Variants in MYO1A observed in about 807,000 individuals in gnomAD.
MYO1A encodes the protein myosin IA, also known as unconventional myosin-Ia.
Under a neutral mutation model 138.5 loss-of-function variants are expected in MYO1A, and 127 were observed. The ratio of observed to expected loss-of-function variants is 0.92; its 90% CI spans 0.79 to 1.06. The LOEUF (loss-of-function observed/expected upper bound fraction) is 1.06. Among genes scored for constraint, MYO1A ranks in the 50% least tolerant of loss-of-function variants. The pLI is 0.00. For synonymous variants in MYO1A, 477 were observed against 497.5 expected (o/e 0.96, Z 0.55); for missense variants, 1,211 against 1,288.8 (o/e 0.94, Z 0.92).
intron 14 of MYO1A, 182 bp from the exon 15 acceptor site, chr12:57,039,456 G>T: frequency 1.6e-6 from 1 of 643,184 alleles, no homozygotes; most frequent in Non-Finnish European, 2.9e-6. Flanking sequence ...GAATTTGTGG[G>T]GTGGGTAGAC....
chr12:57,047,105 A>G lies in MYO1A; in HGVS notation c.433T>C (p.Phe145Leu), dbSNP rs569323947. The part of the protein sequence containing the change: ...LLQSNPVLEA[F>L]GNAKTIRNNN... ...TTGCGAATGGTCTTGGCATTGCCAAAAGCTACAGAGATGAGGAGGGGAGAA... is the reference window on the plus strand; with the variant it reads ...TTGCGAATGGTCTTGGCATTGCCAAGAGCTACAGAGATGAGGAGGGGAGAA... The change falls in exon 6 of 28, where the codon TTT (phenylalanine) becomes CTT (leucine). Residue 145 changes from phenylalanine (F) to leucine (L), a missense_variant and splice_region_variant. Physicochemically the swap from Phe to Leu is conservative, Grantham distance 22. Coordinates refer to ENST00000300119, the MANE Select transcript of MYO1A (RefSeq NM_005379.4). 21 of 1,614,160 alleles carry G rather than the reference A, an allele frequency of 1.3e-5. No homozygotes were observed. In the South Asian group the frequency reaches 2.3e-4, roughly 18 times the overall value.
chr12:57,043,427 A>G lies in MYO1A; in HGVS notation c.893-69T>C, dbSNP rs2030953717. Reference sequence around the variant, plus strand: ...CTCTCAGGGGAGGGAGTGCAATCTGATAAGTGAAACTGCCTGAGACACTGG... The same window carrying G: ...CTCTCAGGGGAGGGAGTGCAATCTGGTAAGTGAAACTGCCTGAGACACTGG... On this transcript the variant is annotated intron_variant, in intron 10 of 27. Transcript: ENST00000300119. 5 of 1,463,666 alleles carry G rather than the reference A, an allele frequency of 3.4e-6. No homozygotes were observed. The African/African-American group carries it at 4.2e-5, about 12-fold the overall frequency. 90.7% of individuals were successfully genotyped at this position (1,463,666 alleles called of 1,614,324 possible). A position where few individuals can be genotyped will look rare whatever the true frequency, so the allele number is the denominator to read the frequency against.
Position 57,037,653 on chromosome 12 carries a change from A to C in MYO1A, c.1962-12T>G, listed in dbSNP as rs770123602. 61 of 1,612,744 alleles carry C rather than the reference A, an allele frequency of 3.8e-5. No homozygotes were observed. Among genetic ancestry groups the C allele is most frequent in the Non-Finnish European group, 5.0e-5 (59 of 1,179,002 alleles). ...TCTCAACACCTTCCCTATGGAAGCA[A>C]ATGACAGAAAGCTGCAGAGGGGTAT... On this transcript the variant is annotated splice_polypyrimidine_tract_variant and intron_variant, in intron 18 of 27. Transcript: ENST00000300119.
chr12:57,046,324 C>A (rs999800389), intron 8 of MYO1A, among the ~76,000 whole-genome samples: 3 of 152,048 alleles, frequency 2.0e-5, no homozygotes, highest in African/African-American at 4.8e-5. Context: ...AAGGCATATC[C>A]CTGGCAATAA....
intron 5 of MYO1A, 27 bp downstream of exon 5, chr12:57,047,276 G>A (rs2031143254): frequency 6.2e-7 from 1 of 1,600,398 alleles, no homozygotes; most frequent in African/African-American, 1.3e-5. Context: ...GATGGAGGGT[G>A]GAGAGGGCAG....
In MYO1A at chr12:57,041,222, T is replaced by G; in HGVS notation, c.1231A>C (p.Met411Leu). 1 of 1,613,856 alleles carries G rather than the reference T, an allele frequency of 6.2e-7. No individual in the cohort carries two copies. Among genetic ancestry groups the G allele is most frequent in the South Asian group, 1.1e-5 (1 of 91,062 alleles). ...TCCTCTTGCTCTTCTTTCAGGGTCA[T>G]CTCTATGAACACCTGCTGCAGCTTC... ...NEKLQQVFIE[M>L]TLKEEQEEYK... Residue 411 changes from methionine to leucine, a missense_variant, in exon 14 of 28, where the codon ATG (methionine) becomes CTG (leucine). Met to Leu is a conservative substitution (Grantham distance 15, BLOSUM62 2). Transcript: ENST00000300119.
chr12:57,028,758 C>T lies in MYO1A; in HGVS notation c.3129G>A (p.Gln1043=), dbSNP rs1312575921. The change falls in exon 28 of 28, where the codon CAG becomes CAA. Residue 1043 remains glutamine (Q), a synonymous_variant. Transcript: ENST00000300119. ...KGSHCLEVTV[Q] is the part of the protein sequence containing the mutation. ...ATCTCTGCATGGTGCCCCCTCCTCA[C>T]TGCACAGTCACCTCCAAGCAATGAC... The T allele has an allele frequency of 1.9e-6, 3 of 1,614,092 alleles. No homozygotes were observed. The highest frequency in any genetic ancestry group is 2.2e-5 in the South Asian group (2 of 91,078).
Position 57,037,609 on chromosome 12 carries a change from C to T in MYO1A, c.1994G>A (p.Ser665Asn). 2 of 1,614,154 alleles carry T rather than the reference C, an allele frequency of 1.2e-6. No individual in the cohort carries two copies. The highest frequency in any genetic ancestry group is 1.7e-6 in the Non-Finnish European group (2 of 1,180,032). ...AAAGGCCAGCTCCCCCGAGGACATG[C>T]TCAGCTCCCCCAGGACCTTCTCAAC... ...EGVEKVLGEL[S>N]MSSGELAFGK... is the part of the protein sequence containing the mutation. Residue 665 changes from serine (S) to asparagine (N), a missense_variant, in exon 19 of 28, where the codon AGC becomes AAC. Ser to Asn is a conservative substitution (Grantham distance 46, BLOSUM62 1). Transcript: ENST00000300119.
intron 8 of MYO1A, among the ~76,000 whole-genome samples, chr12:57,044,698 T>C (rs995007928): frequency 1.3e-5 from 2 of 152,224 alleles, no homozygotes; most frequent in African/African-American, 4.8e-5. Flanking sequence ...GACTAAATTT[T>C]TAAGTATACT....
At chr12:57,041,783 T>C (rs73334796) in intron 12 of MYO1A, among the ~76,000 whole-genome samples, 21 of 152,366 alleles carry the variant, frequency 1.4e-4, no homozygotes, top group African/African-American at 4.8e-4. Flanking sequence ...CCATCTCTTA[T>C]ATTTGTAGAG....
rs55981065 is a variant in MYO1A, at chr12:57,030,469, G to A, written c.2485-153C>T. 9.7e-3 allele frequency among the ~76,000 whole-genome samples: 1,474 copies of A among 152,258 alleles called. 11 individuals are homozygous for A. Among genetic ancestry groups the A allele is most frequent in the Non-Finnish European group, 0.017 (1,157 of 68,004 alleles). On this transcript the variant is annotated intron_variant, in intron 23 of 27. Transcript: ENST00000300119. ...ACACCTCAGGGAGAGGCCGGGGCTG[G>A]AGGACCATTGAGGAGGAGTGCGAGA...
chr12:57,031,048 G>C lies in MYO1A; in HGVS notation c.2476C>G (p.Gln826Glu). The change falls in exon 23 of 28, where the codon CAG becomes GAG. Residue 826 changes from glutamine to glutamate, a missense_variant. Coordinates refer to ENST00000300119, the MANE Select transcript of MYO1A (RefSeq NM_005379.4). ...GCCTGGGCTCCACTTGCCTTCCACT[G>C]GTAGAAGAGCTGCTGCAGCTCCTGA... ...ANQELQQLFY[Q>E]WKCKRFRDQL... The C allele has an allele frequency of 6.2e-7, 1 of 1,613,910 alleles. No individual in the cohort carries two copies. The highest frequency in any genetic ancestry group is 8.5e-7 in the Non-Finnish European group (1 of 1,179,972).
At chr12:57,041,126 G>T in intron 14 of MYO1A, 58 bp downstream of exon 14, 1 of 1,277,528 alleles carries the variant, frequency 7.8e-7, no homozygotes. Context: ...GAGAAAGGAA[G>T]CTCTGGCATA....
At chr12:57,037,473 T>TC in intron 19 of MYO1A, 75 bp downstream of exon 19, 2 of 1,276,146 alleles carry the variant, frequency 1.6e-6, no homozygotes, top group Non-Finnish European at 2.3e-6. Context: ...ACACGCTCCC[T>TC]CCCCCTCCAG....
chr12:57,047,117 TGAG>T lies in MYO1A; in HGVS notation c.431-13_431-11del. 2 of 1,613,838 alleles carry T rather than the reference TGAG, an allele frequency of 1.2e-6. No homozygotes were observed. Among genetic ancestry groups the T allele is most frequent in the South Asian group, 2.2e-5 (2 of 91,052 alleles). On this transcript the variant is annotated splice_polypyrimidine_tract_variant and intron_variant, in intron 5 of 27. Coordinates refer to ENST00000300119, the MANE Select transcript of MYO1A (RefSeq NM_005379.4). Reference sequence around the variant, plus strand: ...TTGGCATTGCCAAAAGCTACAGAGATGAGGAGGGGAGAAGTGAAACTCTAGAGA... The same window carrying T: ...TTGGCATTGCCAAAAGCTACAGAGATGAGGGGAGAAGTGAAACTCTAGAGA...
At position 57,047,084 on chromosome 12, in the gene MYO1A, G is replaced by A. The variant is rs770307697; in HGVS notation, c.454C>T (p.Arg152Cys). ...LEAFGNAKTIRNNNSSRFGKY... is the reference protein window; with the variant it reads ...LEAFGNAKTICNNNSSRFGKY... ...ACAAATCGGGAGGAATTGTTGTTGC[G>A]AATGGTCTTGGCATTGCCAAAAGCT... The change falls in exon 6 of 28, where the codon CGC becomes TGC. Residue 152 changes from arginine to cysteine, a missense_variant. By Grantham distance (180) the Arg-to-Cys change is radical (BLOSUM62 -3). Transcript: ENST00000300119. 28 of 1,614,060 alleles carry A rather than the reference G, an allele frequency of 1.7e-5. No individual in the cohort carries two copies. Among genetic ancestry groups the A allele is most frequent in the Non-Finnish European group, 2.2e-5 (26 of 1,180,036 alleles).
Position 57,028,584 on chromosome 12 carries a change from G to A in MYO1A, c.*171C>T. 1 of 844,248 alleles carries A rather than the reference G, an allele frequency of 1.2e-6. No individual in the cohort carries two copies. Among genetic ancestry groups the A allele is most frequent in the Non-Finnish European group, 1.8e-6 (1 of 551,972 alleles). 52.3% of individuals were successfully genotyped at this position (844,248 alleles called of 1,614,324 possible). A position where few individuals can be genotyped will look rare whatever the true frequency, so the allele number is the denominator to read the frequency against. ...CTGCGGGTTGGAGGAAGCTACTTTT[G>A]GAGGAGAGAACAAGAAGGGTTTGGG... On this transcript the variant is annotated 3_prime_UTR_variant, in exon 28 of 28. Transcript: ENST00000300119.
intron 13 of MYO1A, 43 bp from the exon 14 acceptor site, chr12:57,041,331 T>C: frequency 6.3e-7 from 1 of 1,595,426 alleles, no homozygotes. Context: ...TCCAAGACTG[T>C]TTCTCCGTCT....
chr12:57,031,139 C>T lies in MYO1A; in HGVS notation c.2385G>A (p.Leu795=). 6.2e-7 allele frequency: 1 copy of T among 1,614,102 alleles called. No individual in the cohort carries two copies. The highest frequency in any genetic ancestry group is 8.5e-7 in the Non-Finnish European group (1 of 1,180,030). ...TCTTGTCTAAGACGTTTGTGGATGG[C>T]AAATTGTTCTTCAGCCCCAGTAGGA... ...QKFLLGLKNN[L]PSTNVLDKTW... The change falls in exon 23 of 28, where the codon TTG becomes TTA. Residue 795 remains leucine, a synonymous_variant. Transcript: ENST00000300119.
Sources: gnomAD v4.1 joint callset for allele counts (sites outside exome capture counted in the v4.1 genomes callset) on GRCh38, gnomAD v4.1.1 for gene constraint, MANE v1.5 for transcripts, NCBI Gene and HGNC (gene_info 2026-07-23, HGNC 2026-07-21) for gene names.